The following ATP10A variants were observed in gnomAD, a reference collection of about 807,000 sequenced individuals.
ATP10A encodes the protein phospholipid-transporting ATPase VA.
A neutral mutation model predicts 147.8 loss-of-function variants in ATP10A; 111 were observed. The ratio of observed to expected loss-of-function variants is 0.75; its 90% CI spans 0.64 to 0.88. ATP10A has a LOEUF of 0.88. ATP10A is among the 40% of genes least tolerant of loss of function. The pLI, the probability that ATP10A is intolerant of heterozygous loss-of-function variation, is 0.00. For missense variants in ATP10A, 1,927 were observed against 1,959.0 expected, an observed-to-expected ratio of 0.98 and a Z score of 0.31; for synonymous variants, 875 against 841.6, an observed-to-expected ratio of 1.04 and a Z score of -0.69.
intron 2 of ATP10A, among the ~76,000 whole-genome samples, chr15:25,767,624 C>T (rs975144461): frequency 2.6e-5 from 4 of 152,220 alleles, no homozygotes; most frequent in Admixed American, 6.5e-5. Flanking sequence ...CAGTGCCTGG[C>T]CCACCCCACA....
At chr15:25,699,927 A>C (rs1900569790) in intron 13 of ATP10A, among the ~76,000 whole-genome samples, 1 of 152,148 alleles carries the variant, frequency 6.6e-6, no homozygotes, top group African/African-American at 2.4e-5. Context: ...CAAAACTAAA[A>C]GCTTTTGTGA....
chr15:25,801,283 G>A (rs925288480), intron 1 of ATP10A, among the ~76,000 whole-genome samples: 65 of 152,096 alleles, frequency 4.3e-4, no homozygotes, highest in African/African-American at 1.5e-3. Flanking sequence ...ACTTGGGTTC[G>A]GGGCATGAGG....
At chr15:25,708,964 G>A (rs1901221550) in intron 10 of ATP10A, 1 of 152,360 alleles carries the variant, frequency 6.6e-6, no homozygotes, top group Non-Finnish European at 1.5e-5. Context: ...GAGGCCCGTG[G>A]CCCAGGAAGG....
intron 1 of ATP10A, among the ~76,000 whole-genome samples, chr15:25,822,066 C>A (rs1327242136): frequency 6.6e-6 from 1 of 152,204 alleles, no homozygotes; most frequent in Non-Finnish European, 1.5e-5. Flanking sequence ...CTCCCACAGA[C>A]TTTCAATCAT....
At chr15:25,692,772 A>G (rs1050559225) in intron 14 of ATP10A, among the ~76,000 whole-genome samples, 1 of 152,172 alleles carries the variant, frequency 6.6e-6, no homozygotes. Flanking sequence ...AGTAGGTCAC[A>G]TTGATGCTTT....
downstream of ATP10A, among the ~76,000 whole-genome samples, chr15:25,672,334 C>T (rs11161207): frequency 0.45 from 68,467 of 152,164 alleles, 15,887 homozygotes; most frequent in East Asian, 0.71. Flanking sequence ...CCTTTTAAGA[C>T]GGAATAATAT....
chr15:25,697,521 C>T (rs537418973), intron 13 of ATP10A, among the ~76,000 whole-genome samples: 2 of 152,178 alleles, frequency 1.3e-5, no homozygotes, highest in African/African-American at 2.4e-5. Context: ...CAGCCATTAT[C>T]CAAAAGTTCC....
chr15:25,862,430 C>G, intron 1 of ATP10A: 1 of 661,316 alleles, frequency 1.5e-6, no homozygotes. Context: ...CGCGTCCCCG[C>G]ATCCAGGGCG....
At chr15:25,730,944 C>T (rs886634992) in intron 3 of ATP10A, among the ~76,000 whole-genome samples, 1 of 152,072 alleles carries the variant, frequency 6.6e-6, no homozygotes, top group African/African-American at 2.4e-5. Flanking sequence ...TTTAATGAGT[C>T]TAGTTGATGC....
At chr15:25,701,070 A>G (rs1283895784) in intron 13 of ATP10A, among the ~76,000 whole-genome samples, 2 of 152,134 alleles carry the variant, frequency 1.3e-5, no homozygotes, top group South Asian at 2.1e-4. Flanking sequence ...ATAGAATCCA[A>G]TGGAACAAGG....
At chr15:25,826,540 C>A (rs1468047311) in intron 1 of ATP10A, among the ~76,000 whole-genome samples, 1 of 152,170 alleles carries the variant, frequency 6.6e-6, no homozygotes, top group Admixed American at 6.5e-5. Context: ...CCAGCCTAGG[C>A]AACAGAGCCA....
chr15:25,845,313 T>A (rs1293587711), intron 1 of ATP10A, among the ~76,000 whole-genome samples: 1 of 87,150 alleles, frequency 1.1e-5, no homozygotes, highest in African/African-American at 4.0e-5. Context: ...GCACGGACCG[T>A]TTGTGTGTTT....
At chr15:25,708,406 G>A in intron 10 of ATP10A, 106 bp from the exon 11 acceptor site, 2 of 930,134 alleles carry the variant, frequency 2.2e-6, no homozygotes, top group Non-Finnish European at 3.3e-6. Flanking sequence ...TGCGAATAGA[G>A]CACAAATTTT....
intron 3 of ATP10A, among the ~76,000 whole-genome samples, chr15:25,727,896 A>T (rs1902678086): frequency 6.6e-6 from 1 of 152,230 alleles, no homozygotes; most frequent in Non-Finnish European, 1.5e-5. Flanking sequence ...GGGCCCACTG[A>T]TGACCCAGGC....
At chr15:25,851,353 C>G (rs966818342) in intron 1 of ATP10A, among the ~76,000 whole-genome samples, 1 of 151,682 alleles carries the variant, frequency 6.6e-6, no homozygotes, top group African/African-American at 2.4e-5. Flanking sequence ...AAAACCAAGA[C>G]TTACTTTAGG....
At chr15:25,769,606 C>G (rs947824076) in intron 2 of ATP10A, among the ~76,000 whole-genome samples, 2 of 151,544 alleles carry the variant, frequency 1.3e-5, no homozygotes, top group African/African-American at 2.4e-5. Flanking sequence ...CAGCCTTCAG[C>G]TAACTTTCTG....
At chr15:25,687,557 C>T (rs991312559) in intron 16 of ATP10A, 146 bp downstream of exon 16, 3 of 575,084 alleles carry the variant, frequency 5.2e-6, no homozygotes, top group Non-Finnish European at 5.1e-6. Flanking sequence ...CAGCCCAGGA[C>T]AGGGGACAAT....
intron 2 of ATP10A, among the ~76,000 whole-genome samples, chr15:25,750,171 C>G (rs12595049): frequency 0.071 from 10,738 of 151,478 alleles, 908 homozygotes; most frequent in Admixed American, 0.19. Context: ...TTGCTTAAAA[C>G]TAGTAATTAA....
At chr15:25,770,566 A>G (rs890782065) in intron 2 of ATP10A, among the ~76,000 whole-genome samples, 4 of 152,206 alleles carry the variant, frequency 2.6e-5, no homozygotes, top group Non-Finnish European at 5.9e-5. Context: ...CCCAGCCAGG[A>G]GAAGGGAGTA....
Sources: gnomAD v4.1 joint callset for allele counts (sites outside exome capture counted in the v4.1 genomes callset) on GRCh38, gnomAD v4.1.1 for gene constraint, MANE v1.5 for transcripts, NCBI Gene and HGNC (gene_info 2026-07-23, HGNC 2026-07-21) for gene names.